Variants in CSNK2A2IP observed in about 807,000 individuals in gnomAD.
CSNK2A2IP encodes the protein casein kinase II subunit alpha'-interacting protein.
the CSNK2A2IP span, among the ~76,000 whole-genome samples, chr3:88,351,916 TAC>T: frequency 6.6e-6 from 1 of 152,278 alleles, no homozygotes; most frequent in South Asian, 2.1e-4. Context: ...GTGATGCTGT[TAC>T]TGGAAATTTT....
At chr3:88,383,774 C>T in the CSNK2A2IP span, among the ~76,000 whole-genome samples, 58,089 of 150,992 alleles carry the variant, frequency 0.38, 14,139 homozygotes, top group South Asian at 0.6. Context: ...TGCCATTCTC[C>T]TGCTTCAGCC....
the CSNK2A2IP span, among the ~76,000 whole-genome samples, chr3:88,359,245 C>T: frequency 2.0e-5 from 3 of 151,458 alleles, no homozygotes; most frequent in Non-Finnish European, 4.4e-5. Context: ...CTTTTTTCAC[C>T]TCTAGTTTTC....
the CSNK2A2IP span, among the ~76,000 whole-genome samples, chr3:88,345,067 G>A: frequency 0.94 from 142,935 of 151,998 alleles, 67,751 homozygotes; most frequent in Non-Finnish European, 1. Flanking sequence ...AATCAAGTGC[G>A]CACACATTGT....
chr3:88,417,379 T>C, the CSNK2A2IP span, among the ~76,000 whole-genome samples: 1 of 152,120 alleles, frequency 6.6e-6, no homozygotes, highest in Non-Finnish European at 1.5e-5. Flanking sequence ...AAAACCCAAA[T>C]ATTTAATTAC....
the CSNK2A2IP span, among the ~76,000 whole-genome samples, chr3:88,418,463 T>TGCGTGCGC: frequency 1.1e-4 from 17 of 149,632 alleles, no homozygotes; most frequent in Admixed American, 1.1e-3. Context: ...TGTGTGTGTG[T>TGCGTGCGC]GCGCGCGGGC....
chr3:88,430,112 TCTTCCTTGGCTATTG>T, the CSNK2A2IP span, among the ~76,000 whole-genome samples: 2 of 152,086 alleles, frequency 1.3e-5, no homozygotes, highest in East Asian at 3.9e-4. Context: ...CAGCTTGACA[TCTTCCTTGGCTATTG>T]CTTCCTTGGC....
At chr3:88,341,912 A>G in the CSNK2A2IP span, among the ~76,000 whole-genome samples, 3 of 152,072 alleles carry the variant, frequency 2.0e-5, no homozygotes, top group Admixed American at 6.6e-5. Flanking sequence ...GTTTTTACTT[A>G]GTGTTTTGTC....
chr3:88,461,731 A>G, the CSNK2A2IP span, among the ~76,000 whole-genome samples: 1 of 152,030 alleles, frequency 6.6e-6, no homozygotes, highest in Non-Finnish European at 1.5e-5. Context: ...GATAATGTGT[A>G]GCAATATCTC....
At chr3:88,443,648 T>C in the CSNK2A2IP span, among the ~76,000 whole-genome samples, 3 of 152,244 alleles carry the variant, frequency 2.0e-5, no homozygotes, top group South Asian at 6.2e-4. Context: ...CTTATCCACC[T>C]TTGAAGAGAG....
chr3:88,441,155 A>G, the CSNK2A2IP span, among the ~76,000 whole-genome samples: 1 of 152,192 alleles, frequency 6.6e-6, no homozygotes, highest in Non-Finnish European at 1.5e-5. Flanking sequence ...CTATTAACTA[A>G]TCACTTAACA....
the CSNK2A2IP span, among the ~76,000 whole-genome samples, chr3:88,429,926 T>C: frequency 1.3e-5 from 2 of 151,526 alleles, no homozygotes; most frequent in Non-Finnish European, 2.9e-5. Flanking sequence ...CTAATTTTTT[T>C]TTTTTTTTGT....
chr3:88,428,827 G>C, the CSNK2A2IP span, among the ~76,000 whole-genome samples: 1 of 151,744 alleles, frequency 6.6e-6, no homozygotes, highest in African/African-American at 2.4e-5. Flanking sequence ...TTCCTAACTT[G>C]TTTCCATTTC....
the CSNK2A2IP span, among the ~76,000 whole-genome samples, chr3:88,428,431 A>T: frequency 2.0e-5 from 3 of 152,234 alleles, no homozygotes; most frequent in South Asian, 6.2e-4. Flanking sequence ...ATGTGAGGAC[A>T]TGAGATTTGG....
At chr3:88,363,038 A>G in the CSNK2A2IP span, among the ~76,000 whole-genome samples, 1 of 152,112 alleles carries the variant, frequency 6.6e-6, no homozygotes, top group Non-Finnish European at 1.5e-5. Context: ...CCATTTTGAC[A>G]GGGTGGCAAT....
At chr3:88,428,799 T>A in the CSNK2A2IP span, among the ~76,000 whole-genome samples, 3 of 152,130 alleles carry the variant, frequency 2.0e-5, no homozygotes, top group African/African-American at 7.2e-5. Flanking sequence ...TTGTAAGACA[T>A]GAGAATTAGA....
At chr3:88,449,972 A>G in the CSNK2A2IP span, among the ~76,000 whole-genome samples, 1 of 149,144 alleles carries the variant, frequency 6.7e-6, no homozygotes, top group Admixed American at 6.7e-5. Flanking sequence ...GGTTCAAGCA[A>G]TTCTCCTGCC....
chr3:88,434,053 C>G, the CSNK2A2IP span, among the ~76,000 whole-genome samples: 1 of 152,106 alleles, frequency 6.6e-6, no homozygotes, highest in African/African-American at 2.4e-5. Flanking sequence ...AATATCTCAA[C>G]AGGAACAAAA....
At chr3:88,429,064 C>T in the CSNK2A2IP span, among the ~76,000 whole-genome samples, 5 of 127,596 alleles carry the variant, frequency 3.9e-5, no homozygotes, top group Non-Finnish European at 5.2e-5. Context: ...TTTTAACAAT[C>T]TCAGTAAGCT....
chr3:88,424,041 A>T, the CSNK2A2IP span, among the ~76,000 whole-genome samples: 1 of 152,106 alleles, frequency 6.6e-6, no homozygotes, highest in African/African-American at 2.4e-5. Context: ...TTCAACTCGG[A>T]TATACTTGCC....
Sources: allele counts gnomAD v4.1 joint callset (sites outside exome capture counted in the v4.1 genomes callset), GRCh38; gene constraint gnomAD v4.1.1; transcripts MANE v1.5; gene names NCBI Gene and HGNC (gene_info 2026-07-23, HGNC 2026-07-21).